ZMIZ1: variants seen among roughly 807,000 people sequenced by gnomAD.
ZMIZ1 encodes the protein zinc finger MIZ-type containing 1.
Under a neutral mutation model 113.9 loss-of-function variants are expected in ZMIZ1, and 17 were observed. The observed-to-expected ratio is 0.15, with a 90% CI of 0.10 to 0.22. The LOEUF (loss-of-function observed/expected upper bound fraction) is 0.22. Ranked by LOEUF, ZMIZ1 falls within the 10% of genes least tolerant of loss-of-function variation. ZMIZ1 has a pLI of 1.00. For missense variants in ZMIZ1, 1,059 were observed against 1,477.8 expected (o/e 0.72, Z 4.65); for synonymous variants, 607 against 603.1 (o/e 1.01, Z -0.09).
At chr10:79,249,327 G>A (rs1363981170) in intron 7 of ZMIZ1, among the ~76,000 whole-genome samples, 1 of 152,200 alleles carries the variant, frequency 6.6e-6, no homozygotes, top group Admixed American at 6.5e-5. Context: ...CCACCTGGGT[G>A]TCAGCCCACT....
chr10:79,083,422 GA>G (rs1207864931), intron 1 of ZMIZ1, among the ~76,000 whole-genome samples: 1 of 152,172 alleles, frequency 6.6e-6, no homozygotes, highest in Non-Finnish European at 1.5e-5. Context: ...GTGAGGGAAG[GA>G]GAGAGTGGGG....
intron 6 of ZMIZ1, among the ~76,000 whole-genome samples, chr10:79,215,777 C>T (rs1170368387): frequency 6.6e-6 from 1 of 151,968 alleles, no homozygotes; most frequent in East Asian, 1.9e-4. Context: ...CCTGAGGGCC[C>T]AGGGCATGGA....
At chr10:79,160,688 C>G (rs1201875908) in intron 3 of ZMIZ1, among the ~76,000 whole-genome samples, 1 of 152,220 alleles carries the variant, frequency 6.6e-6, no homozygotes, top group East Asian at 1.9e-4. Flanking sequence ...CCCTGGGCAC[C>G]ATTTCTCCCT....
chr10:79,250,969 C>T (rs1270628107), intron 7 of ZMIZ1, among the ~76,000 whole-genome samples: 1 of 152,146 alleles, frequency 6.6e-6, no homozygotes, highest in East Asian at 1.9e-4. Flanking sequence ...GAAGACCATC[C>T]TGGGGAACAG....
At chr10:79,307,665 G>A (rs1423601182) in intron 23 of ZMIZ1, 94 bp downstream of exon 23, 3 of 1,418,438 alleles carry the variant, frequency 2.1e-6, no homozygotes, top group African/African-American at 2.9e-5. Context: ...GCAAGGCAGA[G>A]GATGAAGAAT....
intron 4 of ZMIZ1, among the ~76,000 whole-genome samples, chr10:79,197,611 T>TACACACACACACACACACACAC (rs71482719): frequency 5.6e-5 from 5 of 90,072 alleles, no homozygotes; most frequent in East Asian, 2.8e-4. Context: ...CACACACACA[T>TACACACACACACACACACACAC]ACACACACAC....
chr10:79,176,304 T>C (rs1846867889), intron 4 of ZMIZ1, among the ~76,000 whole-genome samples: 1 of 152,108 alleles, frequency 6.6e-6, no homozygotes. Flanking sequence ...AGATGTTTAC[T>C]TAGTACCTAT....
At position 79,314,580 on chromosome 10, in the gene ZMIZ1, T is replaced by G. The variant is rs1193779772; in HGVS notation, c.*1831T>G. On this transcript the variant is annotated 3_prime_UTR_variant, in exon 25 of 25. Coordinates refer to ENST00000334512, the MANE Select transcript of ZMIZ1 (RefSeq NM_020338.4). ...TTTTGTAAATATCTTTGTGAATATTTTAGTATCGTCTTTGATAATATTCAA... is the reference window on the plus strand; with the variant it reads ...TTTTGTAAATATCTTTGTGAATATTGTAGTATCGTCTTTGATAATATTCAA... 9 of 257,242 alleles carry G rather than the reference T, an allele frequency of 3.5e-5. No homozygotes were observed. The highest frequency in any genetic ancestry group is 7.0e-5 in the Non-Finnish European group (9 of 129,444). The allele number at this position is 257,242 out of a possible 1,614,324, so 15.9% of individuals were successfully genotyped here.
rs1358755011 is a variant in ZMIZ1 at position 79,304,189 on chromosome 10, G to A, written c.2286+14G>A. On this transcript the variant is annotated intron_variant, in intron 19 of 24. Coordinates refer to ENST00000334512, the MANE Select transcript of ZMIZ1 (RefSeq NM_020338.4). ...AAGCATGTGCAGGTGAGCGGCCCCA[G>A]AAAGCACAGCTCTGGCAAGCCACCT... 1 of 1,609,444 alleles carries A rather than the reference G, an allele frequency of 6.2e-7. No homozygotes were observed. Among genetic ancestry groups the A allele is most frequent in the East Asian group, 2.2e-5 (1 of 44,788 alleles).
chr10:79,207,853 G>T (rs578170288), intron 5 of ZMIZ1, among the ~76,000 whole-genome samples: 41 of 152,148 alleles, frequency 2.7e-4, no homozygotes, highest in Non-Finnish European at 4.9e-4. Context: ...GATGGCGGTG[G>T]CTGGGCAGTC....
At chr10:79,149,518 T>C (rs571161201) in intron 3 of ZMIZ1, among the ~76,000 whole-genome samples, 1 of 152,330 alleles carries the variant, frequency 6.6e-6, no homozygotes, top group African/African-American at 2.4e-5. Flanking sequence ...CTGGAGGCCA[T>C]GGGTAGCCTT....
chr10:79,079,244 G>T (rs1364884825), intron 1 of ZMIZ1, among the ~76,000 whole-genome samples: 1 of 152,258 alleles, frequency 6.6e-6, no homozygotes, highest in Non-Finnish European at 1.5e-5. Context: ...CCAGAGTTTT[G>T]CTGGCTGTCA....
intron 11 of ZMIZ1, 151 bp from the exon 12 acceptor site, chr10:79,293,230 G>A: frequency 9.3e-7 from 1 of 1,079,504 alleles, no homozygotes; most frequent in South Asian, 1.7e-5. Flanking sequence ...CTCCCCTGGG[G>A]CCTGGTTGGT....
intron 7 of ZMIZ1, among the ~76,000 whole-genome samples, chr10:79,258,396 AAAGAAG>A (rs548249650): frequency 6.6e-6 from 1 of 152,236 alleles, no homozygotes; most frequent in South Asian, 2.1e-4. Flanking sequence ...AAAGAAAAAA[AAAGAAG>A]AAGAAGAAGA....
chr10:79,074,704 G>A (rs1402095180), intron 1 of ZMIZ1, among the ~76,000 whole-genome samples: 5 of 152,240 alleles, frequency 3.3e-5, no homozygotes, highest in African/African-American at 1.2e-4. Flanking sequence ...TGAGACCTTA[G>A]GTTCTTTCTG....
chr10:79,291,185 G>A lies in ZMIZ1; in HGVS notation c.758+9G>A. 1 of 1,592,966 alleles carries A rather than the reference G, an allele frequency of 6.3e-7. No individual in the cohort carries two copies. Among genetic ancestry groups the A allele is most frequent in the Non-Finnish European group, 8.6e-7 (1 of 1,165,630 alleles). ...GGGGGCTTTGGGGCCAGGTGAGCAG[G>A]GCTGACCTGTGGCAGAAGCCATGGA... On this transcript the variant is annotated intron_variant, in intron 10 of 24. Coordinates refer to ENST00000334512, the MANE Select transcript of ZMIZ1 (RefSeq NM_020338.4).
chr10:79,302,067 G>A (rs1210022910), intron 17 of ZMIZ1, 40 bp from the exon 18 acceptor site: 3 of 1,602,234 alleles, frequency 1.9e-6, no homozygotes, highest in Non-Finnish European at 2.6e-6. Context: ...GGGGTGTGGG[G>A]ACAGTGCACA....
Position 79,179,026 on chromosome 10 carries a change from G to A in ZMIZ1, c.-50+16893G>A, listed in dbSNP as rs188777771. ...AGACCCTGGAGGAAGGAGAGGAGTC[G>A]GGCAGCTGTGACTGCTGACTCACAC... On this transcript the variant is annotated intron_variant, in intron 4 of 24. Transcript: ENST00000334512. 1.3e-3 allele frequency among the ~76,000 whole-genome samples: 202 copies of A among 152,314 alleles called. 2 individuals carry two copies. The highest frequency in any genetic ancestry group is 0.01 in the East Asian group (53 of 5,186).
intron 7 of ZMIZ1, among the ~76,000 whole-genome samples, chr10:79,261,988 C>T (rs1016906094): frequency 1.5e-4 from 23 of 152,204 alleles, no homozygotes; most frequent in African/African-American, 5.1e-4. Context: ...AGCTCAGGGT[C>T]AAATCTCCAG....
Sources: allele counts gnomAD v4.1 joint callset (sites outside exome capture counted in the v4.1 genomes callset), GRCh38; gene constraint gnomAD v4.1.1; transcripts MANE v1.5; gene names NCBI Gene and HGNC (gene_info 2026-07-23, HGNC 2026-07-21).